KAZN: variants seen among roughly 807,000 people sequenced by gnomAD.
KAZN encodes kazrin, periplakin interacting protein.
Under a neutral mutation model 87.4 loss-of-function variants are expected in KAZN, and 40 were observed. That is an observed-to-expected ratio of 0.46 (90% CI 0.36 to 0.60). The LOEUF (loss-of-function observed/expected upper bound fraction) is 0.60. Ranked by LOEUF, KAZN falls within the 20% of genes least tolerant of loss-of-function variation. The probability of loss-of-function intolerance (pLI) is 0.00; values close to 1 mark genes in which losing one functional copy is unlikely to be tolerated. For synonymous variants in KAZN, 466 were observed against 458.3 expected (o/e 1.02, Z -0.22); for missense variants, 898 against 1,073.9 (o/e 0.84, Z 2.29).
At chr1:14,027,034 G>A (rs570095866) in intron 1 of KAZN, among the ~76,000 whole-genome samples, 30 of 152,240 alleles carry the variant, frequency 2.0e-4, no homozygotes, top group African/African-American at 7.2e-4. Context: ...CTAGGATGGG[G>A]CATCTGGGGA....
chr1:14,653,951 C>T lies in KAZN; in HGVS notation c.226+54728C>T, dbSNP rs145933270. Among the ~76,000 whole-genome samples, 1,073 of 152,288 alleles carry T rather than the reference C, an allele frequency of 7.0e-3. 14 individuals are homozygous for T. The highest frequency in any genetic ancestry group is 0.024 in the African/African-American group (989 of 41,572). ...TCCCTGGCCTCCGCCTACCAGATGC[C>T]AGTGGCATTCCCTTTCCTCTCCCCA... On this transcript the variant is annotated intron_variant, in intron 1 of 14. Transcript: ENST00000376030.
intron 1 of KAZN, among the ~76,000 whole-genome samples, chr1:13,965,491 C>T (rs1169520818): frequency 2.0e-5 from 3 of 152,278 alleles, no homozygotes; most frequent in South Asian, 4.1e-4. Context: ...ATAATTATTA[C>T]ATCAGAAGGA....
At chr1:14,365,061 T>A (rs1240135538) in intron 2 of KAZN, among the ~76,000 whole-genome samples, 1 of 151,604 alleles carries the variant, frequency 6.6e-6, no homozygotes, top group Admixed American at 6.6e-5. Flanking sequence ...TTTTTTTTTT[T>A]GTGACGGAGT....
Position 14,427,513 on chromosome 1 carries a change from A to AACACACACAC in KAZN, c.250-171458_250-171449dup, listed in dbSNP as rs141037257. Among the ~76,000 whole-genome samples, 194 of 150,404 alleles carry AACACACACAC rather than the reference A, an allele frequency of 1.3e-3. 3 individuals are homozygous for AACACACACAC. The highest frequency in any genetic ancestry group is 4.7e-3 in the African/African-American group (193 of 40,950). On this transcript the variant is annotated intron_variant, in intron 2 of 16. Transcript: ENST00000636203. Reference sequence around the variant, plus strand: ...GTAAAAAACAAATACCTATAATTTAAACACACACACACACACACACAGTAT... The same window carrying AACACACACAC: ...GTAAAAAACAAATACCTATAATTTAAACACACACACACACACACACACACACACACAGTAT...
At chr1:14,350,133 CAAAAAAA>C (rs111546286) in intron 2 of KAZN, among the ~76,000 whole-genome samples, 2 of 100,536 alleles carry the variant, frequency 2.0e-5, no homozygotes, top group African/African-American at 3.7e-5. Context: ...GACTCCATCT[CAAAAAAA>C]AAAAAAAAAA....
intron 2 of KAZN, among the ~76,000 whole-genome samples, chr1:14,233,589 ACT>A (rs1330351644): frequency 1.3e-5 from 2 of 152,030 alleles, no homozygotes; most frequent in African/African-American, 4.8e-5. Flanking sequence ...AAATCAGCTG[ACT>A]CTCTGCTTTC....
At chr1:14,834,757 AG>A (rs1242030052) in intron 1 of KAZN, among the ~76,000 whole-genome samples, 1 of 152,238 alleles carries the variant, frequency 6.6e-6, no homozygotes, top group Non-Finnish European at 1.5e-5. Flanking sequence ...GAAAGAAAAA[AG>A]AAAAACAGTC....
At chr1:14,344,985 C>T (rs1012834290) in intron 2 of KAZN, among the ~76,000 whole-genome samples, 2 of 149,134 alleles carry the variant, frequency 1.3e-5, no homozygotes, top group African/African-American at 5.0e-5. Context: ...GTGGCGTGAT[C>T]TCGGCTCACT....
At chr1:14,268,077 G>T (rs1327436147) in intron 2 of KAZN, among the ~76,000 whole-genome samples, 1 of 152,208 alleles carries the variant, frequency 6.6e-6, no homozygotes, top group Non-Finnish European at 1.5e-5. Context: ...ATACCTCTGT[G>T]TGAGGTACTG....
At chr1:14,227,606 A>G (rs895125999) in intron 2 of KAZN, among the ~76,000 whole-genome samples, 3 of 152,158 alleles carry the variant, frequency 2.0e-5, no homozygotes, top group African/African-American at 7.2e-5. Flanking sequence ...CAAAGTCACC[A>G]GTATCACTCT....
At chr1:14,359,914 T>G (rs1405888254) in intron 2 of KAZN, among the ~76,000 whole-genome samples, 1 of 152,232 alleles carries the variant, frequency 6.6e-6, no homozygotes, top group Non-Finnish European at 1.5e-5. Context: ...ATTATATGTC[T>G]TGTGGTTGCT....
intron 1 of KAZN, among the ~76,000 whole-genome samples, chr1:14,625,054 A>G (rs1679026740): frequency 6.6e-6 from 1 of 152,094 alleles, no homozygotes; most frequent in Non-Finnish European, 1.5e-5. Flanking sequence ...CATCGCCACT[A>G]TTTCTAAGAG....
intron 1 of KAZN, among the ~76,000 whole-genome samples, chr1:14,921,678 G>T (rs181537621): frequency 1.3e-5 from 2 of 152,280 alleles, no homozygotes; most frequent in East Asian, 3.9e-4. Context: ...TACTTGTGCT[G>T]GGTTTTGTTT....
chr1:14,337,826 G>C (rs527382981), intron 2 of KAZN, among the ~76,000 whole-genome samples: 1 of 151,530 alleles, frequency 6.6e-6, no homozygotes, highest in East Asian at 2.0e-4. Flanking sequence ...CTCAGGAGGC[G>C]GAGGTTATGA....
intron 2 of KAZN, among the ~76,000 whole-genome samples, chr1:14,499,844 C>T (rs1025135536): frequency 5.9e-5 from 9 of 152,114 alleles, no homozygotes; most frequent in African/African-American, 1.4e-4. Context: ...CTGAGCTTAG[C>T]GGTGTGCTCA....
At chr1:14,059,127 C>A (rs1642690127) in intron 1 of KAZN, among the ~76,000 whole-genome samples, 1 of 152,116 alleles carries the variant, frequency 6.6e-6, no homozygotes, top group South Asian at 2.1e-4. Context: ...TCAGGGTTCT[C>A]CAGAGGGACA....
intron 4 of KAZN, among the ~76,000 whole-genome samples, chr1:15,050,210 G>GAATAGAATAT (rs1674235436): frequency 6.6e-6 from 1 of 151,084 alleles, no homozygotes; most frequent in Non-Finnish European, 1.5e-5. Flanking sequence ...GAATAGAATA[G>GAATAGAATAT]AATAGAATAG....
chr1:14,347,447 C>T (rs767976490), intron 2 of KAZN, among the ~76,000 whole-genome samples: 14 of 152,156 alleles, frequency 9.2e-5, no homozygotes, highest in Non-Finnish European at 2.1e-4. Flanking sequence ...GACCTGCTAC[C>T]TAGATTCCAA....
chr1:13,945,068 T>C (rs1466856568), intron 1 of KAZN, among the ~76,000 whole-genome samples: 1 of 151,908 alleles, frequency 6.6e-6, no homozygotes, highest in Admixed American at 6.6e-5. Context: ...TAAAACAAAG[T>C]GGACCTGAAG....
Sources: gnomAD v4.1 joint callset for allele counts (sites outside exome capture counted in the v4.1 genomes callset) on GRCh38, gnomAD v4.1.1 for gene constraint, MANE v1.5 for transcripts, NCBI Gene and HGNC (gene_info 2026-07-23, HGNC 2026-07-21) for gene names.